Variants in BANK1 observed in about 807,000 individuals in gnomAD.
BANK1 encodes the protein B cell scaffold protein with ankyrin repeats 1.
A neutral mutation model predicts 94.5 loss-of-function variants in BANK1; 95 were observed. That is an observed-to-expected ratio of 1.00 (90% confidence interval 0.85 to 1.19). The LOEUF is 1.19. Among genes scored for constraint, BANK1 ranks in the 50% most tolerant of loss-of-function variants. The pLI is 0.00. For missense variants in BANK1, 987 were observed against 932.2 expected (o/e 1.06, Z -0.77); for synonymous variants, 334 against 308.4 (o/e 1.08, Z -0.87).
At chr4:101,870,230 G>A (rs1291882206) in intron 4 of BANK1, among the ~76,000 whole-genome samples, 1 of 151,788 alleles carries the variant, frequency 6.6e-6, no homozygotes, top group Non-Finnish European at 1.5e-5. Context: ...AGTTATACTA[G>A]TAAGTAAGTA....
At chr4:101,826,012 C>T (rs1726351823) in intron 1 of BANK1, among the ~76,000 whole-genome samples, 1 of 152,006 alleles carries the variant, frequency 6.6e-6, no homozygotes, top group Non-Finnish European at 1.5e-5. Flanking sequence ...TTATTCTTTA[C>T]ATTAACATCT....
rs200813645 is a variant in BANK1, at chr4:101,895,312, T to C, written c.911T>C (p.Ile304Thr). 1.1e-5 allele frequency: 18 copies of C among 1,568,986 alleles called. No homozygotes were observed. The highest frequency in any genetic ancestry group is 7.4e-5 in the Admixed American group (4 of 54,408). Residue 304 changes from isoleucine to threonine, a missense_variant, in exon 6 of 17, where the codon ATT (isoleucine) becomes ACT (threonine). By Grantham distance (89) the Ile-to-Thr change is moderately conservative. Coordinates refer to ENST00000322953, the MANE Select transcript of BANK1 (RefSeq NM_017935.5). ...DSGESLCQNS[I>T]EELDGVLTSI... ...TTTTTCACTTGAAAACAGAATAGCA[T>C]TGAAGAACTTGATGGTGTCCTTACA...
intron 7 of BANK1, among the ~76,000 whole-genome samples, chr4:101,940,927 C>G (rs1723721809): frequency 6.6e-6 from 1 of 151,732 alleles, no homozygotes; most frequent in Non-Finnish European, 1.5e-5. Flanking sequence ...TAAGCACAAT[C>G]CACACTTAGG....
chr4:101,969,790 G>A (rs993371543), intron 7 of BANK1, among the ~76,000 whole-genome samples: 3 of 152,156 alleles, frequency 2.0e-5, no homozygotes, highest in East Asian at 1.9e-4. Context: ...GAGTAGTGGT[G>A]TTCCCCCGCT....
intron 11 of BANK1, among the ~76,000 whole-genome samples, chr4:102,055,416 G>A (rs552553490): frequency 1.3e-5 from 2 of 152,006 alleles, no homozygotes; most frequent in Admixed American, 1.3e-4. Flanking sequence ...AGAGGTATTC[G>A]TGTTAGGGAT....
chr4:101,825,669 A>T lies in BANK1; in HGVS notation c.71-4139A>T, dbSNP rs542032120. Among the ~76,000 whole-genome samples, 85 of 152,202 alleles carry T rather than the reference A, an allele frequency of 5.6e-4. No homozygotes were observed. The Middle Eastern group carries it at 0.01, about 18-fold the overall frequency. On this transcript the variant is annotated intron_variant, in intron 1 of 16. Coordinates refer to ENST00000322953, the MANE Select transcript of BANK1 (RefSeq NM_017935.5). ...ATGAGGTAATACATGTCAACTGCTTAGCAACATGCCTGGTACATAGAAAGT... is the reference window on the plus strand; with the variant it reads ...ATGAGGTAATACATGTCAACTGCTTTGCAACATGCCTGGTACATAGAAAGT...
chr4:102,065,546 G>C (rs1029603928), intron 13 of BANK1, among the ~76,000 whole-genome samples: 1 of 151,914 alleles, frequency 6.6e-6, no homozygotes, highest in African/African-American at 2.4e-5. Context: ...GACATACAAA[G>C]ATACAGGAAA....
At chr4:101,828,269 G>A (rs772454433) in intron 1 of BANK1, among the ~76,000 whole-genome samples, 2 of 151,252 alleles carry the variant, frequency 1.3e-5, no homozygotes, top group Non-Finnish European at 3.0e-5. Context: ...ATGTGATAAT[G>A]TTACAAATGC....
At chr4:101,919,939 C>T (rs1248690247) in intron 7 of BANK1, among the ~76,000 whole-genome samples, 2 of 151,860 alleles carry the variant, frequency 1.3e-5, no homozygotes, top group Non-Finnish European at 2.9e-5. Context: ...TATATTTTGA[C>T]CCTCATGGAA....
At chr4:101,950,018 G>GGGGTGT (rs908777024) in intron 7 of BANK1, among the ~76,000 whole-genome samples, 2 of 149,304 alleles carry the variant, frequency 1.3e-5, no homozygotes, top group African/African-American at 2.5e-5. Flanking sequence ...GGAAGTAAGG[G>GGGGTGT]GTGTGTGTGT....
intron 7 of BANK1, among the ~76,000 whole-genome samples, chr4:101,978,150 A>T (rs1037334386): frequency 8.3e-6 from 1 of 121,182 alleles, no homozygotes; most frequent in Non-Finnish European, 1.7e-5. Flanking sequence ...TAGGTACTTA[A>T]AAAAAAAAAG....
chr4:102,021,488 A>T, intron 7 of BANK1, 26 bp from the exon 8 acceptor site: 1 of 1,088,808 alleles, frequency 9.2e-7, no homozygotes, highest in East Asian at 2.6e-5. Flanking sequence ...ATTAATGCAT[A>T]TTATTAAAAA....
At chr4:101,971,695 G>A (rs1724958573) in intron 7 of BANK1, among the ~76,000 whole-genome samples, 1 of 152,002 alleles carries the variant, frequency 6.6e-6, no homozygotes, top group Non-Finnish European at 1.5e-5. Flanking sequence ...TCATTCTTCT[G>A]CATGTAGCTG....
At chr4:101,932,693 T>G (rs1034502081) in intron 7 of BANK1, among the ~76,000 whole-genome samples, 4 of 151,532 alleles carry the variant, frequency 2.6e-5, no homozygotes, top group African/African-American at 9.7e-5. Flanking sequence ...AGTAACATTT[T>G]TACACTTCTG....
At chr4:101,974,953 G>A (rs368561544) in intron 7 of BANK1, among the ~76,000 whole-genome samples, 19 of 151,996 alleles carry the variant, frequency 1.3e-4, no homozygotes, top group Middle Eastern at 3.2e-3. Flanking sequence ...GTGAAACTCC[G>A]TCTCAGAATA....
Position 101,986,693 on chromosome 4 carries a change from G to A in BANK1, c.1207-34821G>A, listed in dbSNP as rs184242470. On this transcript the variant is annotated intron_variant, in intron 7 of 16. Transcript: ENST00000322953. ...TCATAAAATTATTTCTGCTTTTGAAGCTCTATATTTCATGTCAAACTTATT... is the reference window on the plus strand; with the variant it reads ...TCATAAAATTATTTCTGCTTTTGAAACTCTATATTTCATGTCAAACTTATT... 1.2e-3 allele frequency among the ~76,000 whole-genome samples: 175 copies of A among 150,634 alleles called. 2 individuals carry two copies. Among genetic ancestry groups the A allele is most frequent in the Middle Eastern group, 7.0e-3 (2 of 286 alleles).
At chr4:101,804,428 G>C (rs1479231394) in intron 1 of BANK1, among the ~76,000 whole-genome samples, 2 of 152,112 alleles carry the variant, frequency 1.3e-5, no homozygotes, top group African/African-American at 4.8e-5. Context: ...ATGTCTCATG[G>C]TTCTTGTATG....
At chr4:102,033,549 A>G (rs183163952) in intron 10 of BANK1, among the ~76,000 whole-genome samples, 2 of 152,320 alleles carry the variant, frequency 1.3e-5, no homozygotes, top group East Asian at 3.9e-4. Flanking sequence ...CAATGTTGCA[A>G]TTTGTCCTGT....
At chr4:101,852,470 C>CCA (rs1553927036) in intron 2 of BANK1, among the ~76,000 whole-genome samples, 8 of 103,768 alleles carry the variant, frequency 7.7e-5, no homozygotes, top group African/African-American at 1.2e-4. Flanking sequence ...TATTTTTCGG[C>CCA]TATATATATA....
Sources: gnomAD v4.1 joint callset for allele counts (sites outside exome capture counted in the v4.1 genomes callset) on GRCh38, gnomAD v4.1.1 for gene constraint, MANE v1.5 for transcripts, NCBI Gene and HGNC (gene_info 2026-07-23, HGNC 2026-07-21) for gene names.